ITGA1: variants seen among roughly 807,000 people sequenced by gnomAD.
The protein encoded by ITGA1 is integrin subunit alpha 1.
In ITGA1, 85 loss-of-function variants were observed where a neutral mutation model predicts 145.9. The observed-to-expected ratio is 0.58, with a 90% CI of 0.49 to 0.70. The LOEUF (loss-of-function observed/expected upper bound fraction) is 0.70, where lower values mean the gene tolerates loss of function less well. Among genes scored for constraint, ITGA1 ranks in the 30% least tolerant of loss-of-function variants. The pLI, the probability that ITGA1 is intolerant of heterozygous loss-of-function variation, is 0.00. For synonymous variants in ITGA1, 520 were observed against 495.3 expected, an observed-to-expected ratio of 1.05 and a Z score of -0.66; for missense variants, 1,351 against 1,418.7, an observed-to-expected ratio of 0.95 and a Z score of 0.77.
intron 23 of ITGA1, among the ~76,000 whole-genome samples, chr5:52,935,258 C>T (rs983361110): frequency 7.9e-5 from 12 of 151,766 alleles, no homozygotes; most frequent in East Asian, 1.9e-4. Context: ...AGGTGAAACC[C>T]GGTAAGTTTA....
intron 14 of ITGA1, among the ~76,000 whole-genome samples, chr5:52,914,459 A>AC (rs1750611142): frequency 1.3e-5 from 2 of 151,540 alleles, no homozygotes; most frequent in Non-Finnish European, 2.9e-5. Flanking sequence ...CAATGGTGAA[A>AC]CCCCGTCTCT....
rs2111849652 is a variant in ITGA1 at position 52,910,436 on chromosome 5, A to G, written c.1857+17A>G. ...TATGCACAAGTAAGAATTGAAACCT[A>G]CAGATTCCCACCCTTCAGTGATAAG... On this transcript the variant is annotated intron_variant, in intron 14 of 28. Coordinates refer to ENST00000282588, the MANE Select transcript of ITGA1 (RefSeq NM_181501.2). 1.9e-6 allele frequency: 3 copies of G among 1,603,630 alleles called. No individual in the cohort carries two copies. The highest frequency in any genetic ancestry group is 1.7e-4 in the Middle Eastern group (1 of 6,024).
intron 21 of ITGA1, among the ~76,000 whole-genome samples, chr5:52,930,000 A>C (rs1579726049): frequency 6.6e-6 from 1 of 152,206 alleles, no homozygotes; most frequent in East Asian, 1.9e-4. Context: ...TAAATTCATA[A>C]AAAATTTACT....
chr5:52,815,504 G>T (rs1748752339), intron 1 of ITGA1, among the ~76,000 whole-genome samples: 1 of 152,172 alleles, frequency 6.6e-6, no homozygotes, highest in East Asian at 1.9e-4. Flanking sequence ...GCTTGGGCAG[G>T]AGAGATCTTT....
intron 11 of ITGA1, chr5:52,901,796 G>C (rs181323660): frequency 1.8e-4 from 27 of 152,270 alleles, no homozygotes; most frequent in African/African-American, 5.1e-4. Context: ...TATAATATAT[G>C]ACTTCTCTCT....
intron 8 of ITGA1, among the ~76,000 whole-genome samples, chr5:52,890,902 G>C (rs1159804861): frequency 6.6e-6 from 1 of 152,062 alleles, no homozygotes; most frequent in African/African-American, 2.4e-5. Context: ...TCCAGCCTTT[G>C]ATAACCACCA....
chr5:52,854,871 G>C (rs892442317), intron 2 of ITGA1, among the ~76,000 whole-genome samples: 4 of 152,130 alleles, frequency 2.6e-5, no homozygotes, highest in African/African-American at 9.7e-5. Context: ...GATGATCCTT[G>C]AGTTGATCAG....
At chr5:52,807,492 T>C (rs1196700367) in intron 1 of ITGA1, among the ~76,000 whole-genome samples, 1 of 152,152 alleles carries the variant, frequency 6.6e-6, no homozygotes, top group South Asian at 2.1e-4. Flanking sequence ...CTCCCTCAGC[T>C]ATCACCCTAA....
chr5:52,894,283 T>C (rs567857075), intron 9 of ITGA1, among the ~76,000 whole-genome samples: 1 of 152,316 alleles, frequency 6.6e-6, no homozygotes, highest in South Asian at 2.1e-4. Flanking sequence ...TTATTTTCTC[T>C]GTATTTTGCT....
chr5:52,838,160 T>A (rs1295588587), intron 1 of ITGA1, among the ~76,000 whole-genome samples: 1 of 152,150 alleles, frequency 6.6e-6, no homozygotes, highest in Non-Finnish European at 1.5e-5. Flanking sequence ...TGGTAGTGAA[T>A]GATATAATGG....
chr5:52,905,673 G>A (rs996548433), intron 11 of ITGA1, 90 bp from the exon 12 acceptor site: 1 of 1,049,374 alleles, frequency 9.5e-7, no homozygotes, highest in Non-Finnish European at 1.4e-6. Context: ...ATATAAAAAT[G>A]ATTATCTTGG....
At chr5:52,937,879 G>A (rs1001656780) in intron 24 of ITGA1, among the ~76,000 whole-genome samples, 2 of 151,914 alleles carry the variant, frequency 1.3e-5, no homozygotes, top group African/African-American at 4.8e-5. Flanking sequence ...CTTGGCTTGC[G>A]GCAGCATAGC....
intron 1 of ITGA1, among the ~76,000 whole-genome samples, chr5:52,825,704 G>T (rs971648916): frequency 6.6e-6 from 1 of 152,126 alleles, no homozygotes; most frequent in Admixed American, 6.5e-5. Flanking sequence ...CAGATCACAA[G>T]GTCAGGAGAT....
chr5:52,917,713 C>T lies in ITGA1; in HGVS notation c.1989-1019C>T, dbSNP rs139029006. 5.5e-4 allele frequency among the ~76,000 whole-genome samples: 83 copies of T among 151,934 alleles called. 2 individuals carry two copies. The East Asian group carries it at 0.015, about 28-fold the overall frequency. On this transcript the variant is annotated intron_variant, in intron 15 of 28. Transcript: ENST00000282588. ...ATATATGTATGTATGCATGTGTGTA[C>T]GTGTATGCATGTTTTCTTCTGTAAA...
At chr5:52,810,222 A>G (rs6877037) in intron 1 of ITGA1, among the ~76,000 whole-genome samples, 40,027 of 151,940 alleles carry the variant, frequency 0.26, 5,503 homozygotes, top group Non-Finnish European at 0.3. Context: ...GGTTGGTGGC[A>G]CAGCCACCTC....
chr5:52,947,268 T>C (rs550947835), intron 27 of ITGA1, 77 bp from the exon 28 acceptor site: 2 of 827,616 alleles, frequency 2.4e-6, no homozygotes, highest in East Asian at 2.4e-5. Context: ...TAGAGAATTG[T>C]AGCCTGCAAG....
At chr5:52,930,358 T>G (rs1561252715) in intron 21 of ITGA1, among the ~76,000 whole-genome samples, 1 of 152,160 alleles carries the variant, frequency 6.6e-6, no homozygotes, top group African/African-American at 2.4e-5. Flanking sequence ...ATGGATTAAT[T>G]AATTCTGTAT....
intron 1 of ITGA1, among the ~76,000 whole-genome samples, chr5:52,809,875 TA>T (rs1300351012): frequency 4.6e-5 from 7 of 152,112 alleles, no homozygotes; most frequent in African/African-American, 1.4e-4. Flanking sequence ...AAATGTTAAA[TA>T]TTTACTGTGG....
intron 14 of ITGA1, 101 bp downstream of exon 14, chr5:52,910,520 T>A: frequency 7.8e-7 from 1 of 1,275,462 alleles, no homozygotes; most frequent in South Asian, 1.5e-5. Context: ...TTCTTCCTCC[T>A]GACCTTATTG....
Sources: gnomAD v4.1 joint callset for allele counts (sites outside exome capture counted in the v4.1 genomes callset) on GRCh38, gnomAD v4.1.1 for gene constraint, MANE v1.5 for transcripts, NCBI Gene and HGNC (gene_info 2026-07-23, HGNC 2026-07-21) for gene names.